ICA1: variants seen among roughly 807,000 people sequenced by gnomAD.
The protein encoded by ICA1 is 69 kDa islet cell autoantigen.
In ICA1, 40 loss-of-function variants were observed where a neutral mutation model predicts 71.0. The ratio of observed to expected loss-of-function variants is 0.56; its 90% confidence interval spans 0.44 to 0.73. The LOEUF is 0.73. Ranked by LOEUF, ICA1 falls within the 30% of genes least tolerant of loss-of-function variation. ICA1 has a pLI of 0.00. For synonymous variants in ICA1, 207 were observed against 209.5 expected, an observed-to-expected ratio of 0.99 and a Z score of 0.10; for missense variants, 578 against 576.5, an observed-to-expected ratio of 1.00 and a Z score of -0.03.
intron 8 of ICA1, among the ~76,000 whole-genome samples, chr7:8,153,793 T>C (rs1562712758): frequency 1.3e-5 from 2 of 150,392 alleles, no homozygotes; most frequent in African/African-American, 2.4e-5. Context: ...CCAGATGATT[T>C]AGCATCAATA....
chr7:8,251,894 G>A (rs1011249070), intron 1 of ICA1, among the ~76,000 whole-genome samples: 1 of 152,138 alleles, frequency 6.6e-6, no homozygotes. Context: ...TCTAGGTCTT[G>A]CTCCTCTTTC....
In ICA1 at chr7:8,113,940, C is replaced by G; in HGVS notation, c.1435G>C (p.Glu479Gln). 1.2e-6 allele frequency: 2 copies of G among 1,614,132 alleles called. No individual in the cohort carries two copies. The highest frequency in any genetic ancestry group is 1.7e-6 in the Non-Finnish European group (2 of 1,180,028). Residue 479 changes from glutamate (E) to glutamine (Q), a missense_variant, in exon 14 of 14, where the codon GAA (glutamate) becomes CAA (glutamine). Coordinates refer to ENST00000402384, the MANE Select transcript of ICA1 (RefSeq NM_001136020.3). This position sits in a 1 kb window ranked among gnomAD's most constrained non-coding sequence, Gnocchi z 4.2. ...GTACAGATTCATGCATTGAGCAATT[C>G]GTGTTCTTTATCGGTTTTCCCAACA... Reference protein sequence around the residue: ...DAVGKTDKEHELLNA With the variant: ...DAVGKTDKEHQLLNA
In ICA1 at chr7:8,132,826, T is replaced by G. The variant is rs1338416465; in HGVS notation, c.1061-4684A>C. Reference sequence around the variant, plus strand: ...TCCAATCTCTACCTCCAATTCCAAGTTCTTTCTGGAACTCCATTTGCAAAT... The same window carrying G: ...TCCAATCTCTACCTCCAATTCCAAGGTCTTTCTGGAACTCCATTTGCAAAT... On this transcript the variant is annotated intron_variant, in intron 12 of 13. Coordinates refer to ENST00000402384, the MANE Select transcript of ICA1 (RefSeq NM_001136020.3). This position sits in a 1 kb window ranked among gnomAD's most constrained non-coding sequence, Gnocchi z 4.5. 6.6e-6 allele frequency among the ~76,000 whole-genome samples: 1 copy of G among 152,220 alleles called. No individual in the cohort carries two copies. Among genetic ancestry groups the G allele is most frequent in the Non-Finnish European group, 1.5e-5 (1 of 68,036 alleles).
intron 6 of ICA1, among the ~76,000 whole-genome samples, chr7:8,162,750 C>T (rs945306139): frequency 2.6e-5 from 4 of 152,046 alleles, no homozygotes; most frequent in African/African-American, 9.7e-5. Context: ...TCTTATTCTC[C>T]AAGTTGTAGG....
intron 6 of ICA1, among the ~76,000 whole-genome samples, chr7:8,187,386 G>C (rs148640878): frequency 0.012 from 1,857 of 152,154 alleles, 30 homozygotes; most frequent in African/African-American, 0.039. Flanking sequence ...TAAAAATATG[G>C]CATAAAAGAT....
intron 6 of ICA1, among the ~76,000 whole-genome samples, chr7:8,161,076 T>A (rs567004292): frequency 6.6e-6 from 1 of 152,228 alleles, no homozygotes; most frequent in South Asian, 2.1e-4. Flanking sequence ...AAAATACACG[T>A]GGGAGTCGGA....
chr7:8,127,760 A>G (rs1789821669), intron 13 of ICA1, 113 bp downstream of exon 13: 7 of 1,218,008 alleles, frequency 5.7e-6, no homozygotes, highest in South Asian at 1.5e-5. Flanking sequence ...TAAAAAGTCA[A>G]TAAAAATAGA....
chr7:8,161,834 G>A (rs1355357141), intron 6 of ICA1, among the ~76,000 whole-genome samples: 1 of 152,192 alleles, frequency 6.6e-6, no homozygotes, highest in African/African-American at 2.4e-5. Context: ...AGCCTTGTGT[G>A]CAATGAGAAA....
chr7:8,260,064 C>T (rs546424171), intron 1 of ICA1, among the ~76,000 whole-genome samples: 4 of 152,170 alleles, frequency 2.6e-5, no homozygotes, highest in Admixed American at 1.3e-4. Context: ...GCTCAACCAA[C>T]GAAGAGGAAA....
chr7:8,218,697 T>A, intron 5 of ICA1, 194 bp from the exon 6 acceptor site: 1 of 607,526 alleles, frequency 1.6e-6, no homozygotes, highest in South Asian at 1.9e-5. Context: ...AGATTATCCA[T>A]GTACCCATCC....
intron 8 of ICA1, among the ~76,000 whole-genome samples, chr7:8,155,759 T>C (rs1801268536): frequency 6.6e-6 from 1 of 152,172 alleles, no homozygotes; most frequent in South Asian, 2.1e-4. Context: ...GTGAATAGTG[T>C]GCATTATACT....
chr7:8,204,992 G>C (rs1157597689), intron 6 of ICA1, among the ~76,000 whole-genome samples: 2 of 151,550 alleles, frequency 1.3e-5, no homozygotes, highest in Admixed American at 1.3e-4. Context: ...TAAGGAAGAG[G>C]GAGTCTAACT....
chr7:8,122,096 C>A (rs1787196272), intron 13 of ICA1, among the ~76,000 whole-genome samples: 1 of 152,158 alleles, frequency 6.6e-6, no homozygotes, highest in South Asian at 2.1e-4. Flanking sequence ...GTCAGACAAG[C>A]AGCATGCTGC....
intron 13 of ICA1, 41 bp downstream of exon 13, chr7:8,127,825 AAAGAATG>A (rs780563078): frequency 1.3e-6 from 2 of 1,531,354 alleles, no homozygotes; most frequent in South Asian, 2.5e-5. Context: ...TTGAAAACAA[AAAGAATG>A]AACAAACAAA....
chr7:8,133,172 C>T (rs1032074194), intron 12 of ICA1, among the ~76,000 whole-genome samples: 2 of 152,216 alleles, frequency 1.3e-5, no homozygotes, highest in African/African-American at 4.8e-5. Flanking sequence ...ATTCGGCCCC[C>T]TCACTATGTG....
chr7:8,197,469 C>G (rs1788052095), intron 6 of ICA1, among the ~76,000 whole-genome samples: 1 of 149,218 alleles, frequency 6.7e-6, no homozygotes, highest in Admixed American at 6.7e-5. Flanking sequence ...AGAAGACTCA[C>G]TTGAACCCGG....
Position 8,135,128 on chromosome 7 carries a change from G to A in ICA1, c.1060+3712C>T, listed in dbSNP as rs57141457. On this transcript the variant is annotated intron_variant, in intron 12 of 13. Coordinates refer to ENST00000402384, the MANE Select transcript of ICA1 (RefSeq NM_001136020.3). ...TGCAACCTCCGCCTCCCGGGTTCAA[G>A]CGATTCTTCTGCCTCAGCCTCCAGA... Among the ~76,000 whole-genome samples the A allele has an allele frequency of 8.9e-3, 1,347 of 152,194 alleles. 22 individuals carry two copies. Among genetic ancestry groups the A allele is most frequent in the African/African-American group, 0.03 (1,263 of 41,494 alleles).
chr7:8,203,479 A>G (rs988969055), intron 6 of ICA1, among the ~76,000 whole-genome samples: 7 of 152,172 alleles, frequency 4.6e-5, no homozygotes, highest in African/African-American at 1.7e-4. Flanking sequence ...TGGTGCTCTG[A>G]GAAAGTATTT....
chr7:8,229,508 C>T (rs1426102103), intron 3 of ICA1, among the ~76,000 whole-genome samples: 1 of 152,198 alleles, frequency 6.6e-6, no homozygotes, highest in African/African-American at 2.4e-5. Flanking sequence ...GGAAGATAAA[C>T]ATCTTGCCTC....
Sources: allele counts gnomAD v4.1 joint callset (sites outside exome capture counted in the v4.1 genomes callset), GRCh38; gene constraint gnomAD v4.1.1; non-coding constraint Gnocchi (gnomAD v3.1); transcripts MANE v1.5; gene names NCBI Gene and HGNC (gene_info 2026-07-23, HGNC 2026-07-21).